Variants in CHRNA7 observed in about 807,000 individuals in gnomAD.
CHRNA7 encodes neuronal acetylcholine receptor subunit alpha-7.
Under a neutral mutation model 48.0 loss-of-function variants are expected in CHRNA7, and 17 were observed. The observed-to-expected ratio is 0.35, with a 90% CI of 0.24 to 0.53. The LOEUF (loss-of-function observed/expected upper bound fraction) is 0.53, where lower values mean the gene tolerates loss of function less well. Among genes scored for constraint, CHRNA7 ranks in the 20% least tolerant of loss-of-function variants. The pLI is 0.92. For missense variants in CHRNA7, 155 were observed against 577.7 expected, an observed-to-expected ratio of 0.27 and a Z score of 7.50; for synonymous variants, 75 against 242.3, an observed-to-expected ratio of 0.31 and a Z score of 6.41.
intron 2 of CHRNA7, among the ~76,000 whole-genome samples, chr15:32,051,497 T>C (rs917144048): frequency 6.6e-6 from 1 of 152,134 alleles, no homozygotes; most frequent in African/African-American, 2.4e-5. Flanking sequence ...CCGAAGCCCG[T>C]CAGAAAAGCG....
intron 4 of CHRNA7, among the ~76,000 whole-genome samples, chr15:32,140,059 C>T (rs1180608640): frequency 6.6e-6 from 1 of 152,050 alleles, no homozygotes; most frequent in African/African-American, 2.4e-5. Flanking sequence ...TCTCCTAATG[C>T]TATCCCACCC....
At chr15:32,057,425 G>A (rs2049804979) in intron 2 of CHRNA7, among the ~76,000 whole-genome samples, 2 of 152,104 alleles carry the variant, frequency 1.3e-5, no homozygotes, top group Admixed American at 1.3e-4. Flanking sequence ...CAAATCAAAA[G>A]CCTTCTACAC....
chr15:32,150,022 A>T (rs1323014439), intron 4 of CHRNA7, among the ~76,000 whole-genome samples: 1 of 152,070 alleles, frequency 6.6e-6, no homozygotes, highest in Non-Finnish European at 1.5e-5. Flanking sequence ...CTTAATTTTT[A>T]ATTTATTTTT....
intron 4 of CHRNA7, among the ~76,000 whole-genome samples, chr15:32,125,481 A>G (rs1411205423): frequency 6.6e-6 from 1 of 152,172 alleles, no homozygotes; most frequent in Non-Finnish European, 1.5e-5. Flanking sequence ...AGAGTCAAGG[A>G]CTTAGAACTG....
rs185161894 is a variant in CHRNA7 at position 32,030,869 on chromosome 15, G to A, written c.56-29G>A. ...GGGTACCCCCGCCGGCCTGCCCTGA[G>A]CCCCCTGCCCGGGTCTTCTCTCCTT... On this transcript the variant is annotated intron_variant, in intron 1 of 9. Transcript: ENST00000306901. The A allele has an allele frequency of 9.9e-6, 16 of 1,610,244 alleles. No homozygotes were observed. In the Admixed American group the frequency reaches 1.0e-4, roughly 10 times the overall value.
At chr15:32,144,425 G>T (rs529938108) in intron 4 of CHRNA7, among the ~76,000 whole-genome samples, 1 of 152,222 alleles carries the variant, frequency 6.6e-6, no homozygotes, top group East Asian at 1.9e-4. Context: ...GTAGCTTTGT[G>T]GTGTTCTCTG....
intron 2 of CHRNA7, among the ~76,000 whole-genome samples, chr15:32,065,788 C>G (rs1188002340): frequency 6.6e-6 from 1 of 152,024 alleles, no homozygotes; most frequent in Non-Finnish European, 1.5e-5. Flanking sequence ...GAGCTGTCAG[C>G]TGCCTGGCTG....
At chr15:32,082,136 G>T (rs1395384916) in intron 2 of CHRNA7, among the ~76,000 whole-genome samples, 7 of 151,802 alleles carry the variant, frequency 4.6e-5, no homozygotes, top group Admixed American at 1.3e-4. Flanking sequence ...TAAGGTGTTT[G>T]TGTGGTCCTT....
In CHRNA7 at chr15:32,168,764, TG is replaced by T; in HGVS notation, c.*308del. The T allele has an allele frequency of 5.3e-5, 2 of 37,532 alleles. No individual in the cohort carries two copies. Among genetic ancestry groups the T allele is most frequent in the Non-Finnish European group, 9.8e-5 (2 of 20,430 alleles). 2.3% of individuals were successfully genotyped at this position (37,532 alleles called of 1,614,324 possible). On this transcript the variant is annotated 3_prime_UTR_variant, in exon 10 of 10. Transcript: ENST00000306901. ...GGAAAGCCCTTCGGAGAGCTCCCCA[TG>T]GCTCCTCACCACCGAGACAGTTGGT...
chr15:32,084,660 T>C (rs774444670), intron 2 of CHRNA7, among the ~76,000 whole-genome samples: 1 of 152,224 alleles, frequency 6.6e-6, no homozygotes, highest in Admixed American at 6.5e-5. Context: ...AGAATTGTCC[T>C]GAAGAGGAAG....
chr15:32,035,152 A>G (rs1171222281), intron 2 of CHRNA7, among the ~76,000 whole-genome samples: 1 of 152,204 alleles, frequency 6.6e-6, no homozygotes, highest in Non-Finnish European at 1.5e-5. Context: ...TTATTAATTT[A>G]CTTCCTGGGC....
chr15:32,084,297 G>A (rs2050261158), intron 2 of CHRNA7, among the ~76,000 whole-genome samples: 1 of 152,220 alleles, frequency 6.6e-6, no homozygotes, highest in South Asian at 2.1e-4. Context: ...TCTGTTTAAT[G>A]TCTGTAATTT....
chr15:32,044,625 T>C (rs2049508217), intron 2 of CHRNA7, among the ~76,000 whole-genome samples: 1 of 152,216 alleles, frequency 6.6e-6, no homozygotes, highest in Non-Finnish European at 1.5e-5. Flanking sequence ...TGCCTTCCCT[T>C]TTTGGGACAA....
chr15:32,053,655 A>T (rs1057071856), intron 2 of CHRNA7, among the ~76,000 whole-genome samples: 1 of 152,232 alleles, frequency 6.6e-6, no homozygotes, highest in African/African-American at 2.4e-5. Flanking sequence ...TACTATGCTA[A>T]TTAAGTTTCC....
At chr15:32,078,962 T>G (rs1399224520) in intron 2 of CHRNA7, among the ~76,000 whole-genome samples, 2 of 152,184 alleles carry the variant, frequency 1.3e-5, no homozygotes, top group Non-Finnish European at 2.9e-5. Flanking sequence ...CATGATCAAG[T>G]CAGATTCATC....
chr15:32,120,932 C>T (rs887160141), intron 4 of CHRNA7, among the ~76,000 whole-genome samples: 3 of 152,238 alleles, frequency 2.0e-5, no homozygotes, highest in East Asian at 3.9e-4. Context: ...GGGAGCAGTG[C>T]GGGCAGCCAG....
At chr15:32,047,937 T>G (rs1173463250) in intron 2 of CHRNA7, among the ~76,000 whole-genome samples, 2 of 152,124 alleles carry the variant, frequency 1.3e-5, no homozygotes, top group Non-Finnish European at 2.9e-5. Context: ...ATCATGTGGT[T>G]TTTGTCTTTG....
intron 4 of CHRNA7, among the ~76,000 whole-genome samples, chr15:32,140,600 A>T (rs559834532): frequency 6.6e-6 from 1 of 152,256 alleles, no homozygotes; most frequent in South Asian, 2.1e-4. Flanking sequence ...CTGACTTTTT[A>T]ATGATTGCCA....
intron 3 of CHRNA7, chr15:32,111,065 G>C (rs990856768): frequency 6.6e-6 from 1 of 152,240 alleles, no homozygotes; most frequent in Admixed American, 6.5e-5. Flanking sequence ...GAGCTTGTGG[G>C]CTCCAGGAAG....
Sources: gnomAD v4.1 joint callset for allele counts (sites outside exome capture counted in the v4.1 genomes callset) on GRCh38, gnomAD v4.1.1 for gene constraint, MANE v1.5 for transcripts, NCBI Gene and HGNC (gene_info 2026-07-23, HGNC 2026-07-21) for gene names.